COL19A1: variants seen among roughly 807,000 people sequenced by gnomAD.
The protein encoded by COL19A1 is collagen alpha-1(XIX) chain.
A neutral mutation model predicts 190.2 loss-of-function variants in COL19A1; 159 were observed. That is an observed-to-expected ratio of 0.84 (90% CI 0.73 to 0.95). COL19A1 has a LOEUF of 0.95. COL19A1 is among the 40% of genes least tolerant of loss of function. COL19A1 has a pLI of 0.00. For synonymous variants in COL19A1, 509 were observed against 458.9 expected (o/e 1.11, Z -1.39); for missense variants, 1,418 against 1,431.9 (o/e 0.99, Z 0.16).
chr6:69,916,773 A>G (rs1771338587), intron 4 of COL19A1, among the ~76,000 whole-genome samples: 1 of 152,208 alleles, frequency 6.6e-6, no homozygotes, highest in Non-Finnish European at 1.5e-5. Flanking sequence ...TTCCCCTCAT[A>G]GTGCCAAAAT....
chr6:70,051,577 C>A (rs1029842312), intron 14 of COL19A1, among the ~76,000 whole-genome samples: 1 of 152,102 alleles, frequency 6.6e-6, no homozygotes, highest in Admixed American at 6.6e-5. Flanking sequence ...AAAAGGGAGA[C>A]TTTATCTTTA....
At chr6:69,953,171 C>G (rs1314277471) in intron 9 of COL19A1, among the ~76,000 whole-genome samples, 1 of 152,004 alleles carries the variant, frequency 6.6e-6, no homozygotes, top group Non-Finnish European at 1.5e-5. Flanking sequence ...CAATGGAATA[C>G]TTCCTGCCTA....
chr6:69,924,328 C>T (rs960415836), intron 4 of COL19A1, among the ~76,000 whole-genome samples: 7 of 151,860 alleles, frequency 4.6e-5, no homozygotes, highest in East Asian at 3.9e-4. Flanking sequence ...GTTCAATTCC[C>T]GCCTATGAGT....
chr6:69,940,323 A>G (rs935002462), intron 9 of COL19A1, among the ~76,000 whole-genome samples: 8 of 152,050 alleles, frequency 5.3e-5, no homozygotes, highest in Non-Finnish European at 1.0e-4. Context: ...AGCTCCTGCT[A>G]TTATAATAAA....
intron 42 of COL19A1, 146 bp from the exon 43 acceptor site, chr6:70,180,166 A>T: frequency 4.9e-6 from 4 of 820,020 alleles, no homozygotes; most frequent in Non-Finnish European, 7.8e-6. Context: ...GATTCCAGAC[A>T]TGAGCCACCA....
At chr6:69,929,787 T>G (rs1772635870) in intron 6 of COL19A1, 87 bp downstream of exon 6, 1 of 1,188,454 alleles carries the variant, frequency 8.4e-7, no homozygotes, top group South Asian at 1.7e-5. Context: ...TTTATTACTG[T>G]GTAATAGATT....
At chr6:69,944,366 G>A (rs973266342) in intron 9 of COL19A1, among the ~76,000 whole-genome samples, 2 of 152,046 alleles carry the variant, frequency 1.3e-5, no homozygotes, top group African/African-American at 4.8e-5. Context: ...AAAATATGCT[G>A]AATGCATGAA....
chr6:70,089,788 G>A (rs1782792207), intron 15 of COL19A1, among the ~76,000 whole-genome samples: 1 of 152,032 alleles, frequency 6.6e-6, no homozygotes, highest in South Asian at 2.1e-4. Context: ...TATAAGTCTT[G>A]TAGGACTACT....
intron 4 of COL19A1, among the ~76,000 whole-genome samples, chr6:69,907,223 G>C (rs367591275): frequency 5.5e-4 from 83 of 149,976 alleles, no homozygotes; most frequent in Non-Finnish European, 1.0e-3. Flanking sequence ...TCCACCTCCC[G>C]GTTTCAAACG....
At chr6:70,163,255 A>C in intron 35 of COL19A1, 88 bp from the exon 36 acceptor site, 1 of 1,198,476 alleles carries the variant, frequency 8.3e-7, no homozygotes, top group Non-Finnish European at 1.2e-6. Flanking sequence ...ATGACCTTCA[A>C]AATGTGTAAG....
intron 49 of COL19A1, among the ~76,000 whole-genome samples, chr6:70,202,595 G>A (rs1423453733): frequency 6.6e-6 from 1 of 152,100 alleles, no homozygotes; most frequent in Non-Finnish European, 1.5e-5. Context: ...AGTATAAAGG[G>A]GTTTCATAAG....
intron 14 of COL19A1, among the ~76,000 whole-genome samples, chr6:70,061,033 A>G (rs868169036): frequency 2.0e-5 from 3 of 152,174 alleles, no homozygotes; most frequent in Non-Finnish European, 2.9e-5. Context: ...TTCAATTTAC[A>G]TAAACTGGAG....
At chr6:70,122,276 G>A (rs373780697) in intron 17 of COL19A1, among the ~76,000 whole-genome samples, 1 of 152,062 alleles carries the variant, frequency 6.6e-6, no homozygotes, top group East Asian at 1.9e-4. Context: ...TTGAAGCTCT[G>A]GGTAGCACAA....
intron 40 of COL19A1, among the ~76,000 whole-genome samples, chr6:70,170,414 G>T (rs1463798629): frequency 1.3e-5 from 2 of 152,140 alleles, no homozygotes; most frequent in East Asian, 3.8e-4. Context: ...CAATAGACCT[G>T]CCTCACTATT....
At chr6:69,948,685 A>C (rs1773959601) in intron 9 of COL19A1, among the ~76,000 whole-genome samples, 1 of 151,796 alleles carries the variant, frequency 6.6e-6, no homozygotes, top group African/African-American at 2.4e-5. Flanking sequence ...GGGCAACGTG[A>C]AGGAACTGGA....
intron 40 of COL19A1, among the ~76,000 whole-genome samples, chr6:70,171,346 T>A (rs951543071): frequency 1.3e-5 from 2 of 152,246 alleles, no homozygotes; most frequent in Non-Finnish European, 2.9e-5. Context: ...ATCTACAGGC[T>A]CCAGCTAGCC....
At chr6:70,035,703 A>G (rs1168384924) in intron 13 of COL19A1, among the ~76,000 whole-genome samples, 2 of 152,210 alleles carry the variant, frequency 1.3e-5, no homozygotes, top group East Asian at 3.8e-4. Flanking sequence ...AGCATAGAGT[A>G]TACAAGGTGA....
chr6:69,874,761 A>T (rs2149936676), intron 1 of COL19A1, among the ~76,000 whole-genome samples: 1 of 151,002 alleles, frequency 6.6e-6, no homozygotes, highest in Non-Finnish European at 1.5e-5. Flanking sequence ...AAAAAAAATA[A>T]AAAAAAAAGA....
intron 15 of COL19A1, among the ~76,000 whole-genome samples, chr6:70,101,191 A>C (rs1031654756): frequency 6.6e-6 from 1 of 152,202 alleles, no homozygotes; most frequent in African/African-American, 2.4e-5. Context: ...CAGACAGTTT[A>C]CCAATGTGAT....
Sources: allele counts gnomAD v4.1 joint callset (sites outside exome capture counted in the v4.1 genomes callset), GRCh38; gene constraint gnomAD v4.1.1; transcripts MANE v1.5; gene names NCBI Gene and HGNC (gene_info 2026-07-23, HGNC 2026-07-21).